The following SLC24A2 variants were observed in gnomAD, a reference collection of about 807,000 sequenced individuals.
SLC24A2 encodes sodium/potassium/calcium exchanger 2.
A neutral mutation model predicts 62.0 loss-of-function variants in SLC24A2; 36 were observed. The observed-to-expected ratio is 0.58, with a 90% confidence interval of 0.44 to 0.77. The LOEUF (loss-of-function observed/expected upper bound fraction) is 0.77, where lower values mean the gene tolerates loss of function less well. Among genes scored for constraint, SLC24A2 ranks in the 30% least tolerant of loss-of-function variants. The pLI is 0.00. For missense variants in SLC24A2, 846 were observed against 817.9 expected (o/e 1.03, Z -0.42); for synonymous variants, 358 against 294.0 (o/e 1.22, Z -2.23).
the SLC24A2 span, among the ~76,000 whole-genome samples, chr9:19,938,727 T>A: frequency 6.6e-6 from 1 of 152,190 alleles, no homozygotes; most frequent in Non-Finnish European, 1.5e-5. Context: ...TTTTGTAAAC[T>A]GAGATGACTG....
chr9:19,897,974 G>A, the SLC24A2 span, among the ~76,000 whole-genome samples: 2 of 152,176 alleles, frequency 1.3e-5, no homozygotes, highest in African/African-American at 2.4e-5. Context: ...GTCCGGTCAG[G>A]GAAAGAGAAT....
the SLC24A2 span, among the ~76,000 whole-genome samples, chr9:20,033,910 G>C: frequency 6.6e-6 from 1 of 152,142 alleles, no homozygotes; most frequent in Non-Finnish European, 1.5e-5. Flanking sequence ...TAATAAACTT[G>C]TTTTCACTTT....
chr9:19,785,931 A>G lies in SLC24A2; in HGVS notation c.930+6T>C. The stretch of plus-strand genomic sequence containing the variant: ...AAGCATTAAATAAAAATCCACCACC[A>G]CCAACCTTTGCTTGGGCTTCTGGTG... On this transcript the variant is annotated splice_donor_region_variant and intron_variant, in intron 2 of 10. Transcript: ENST00000341998. 6.2e-7 allele frequency: 1 copy of G among 1,614,082 alleles called. No individual in the cohort carries two copies. The highest frequency in any genetic ancestry group is 8.5e-7 in the Non-Finnish European group (1 of 1,179,986).
chr9:20,003,891 G>GA, the SLC24A2 span, among the ~76,000 whole-genome samples: 3,526 of 115,572 alleles, frequency 0.031, 92 homozygotes, highest in African/African-American at 0.083. Flanking sequence ...GATGTTTAAC[G>GA]AAAAAAAAAA....
At chr9:19,650,759 C>T (rs1818777132) in intron 2 of SLC24A2, among the ~76,000 whole-genome samples, 1 of 151,844 alleles carries the variant, frequency 6.6e-6, no homozygotes, top group Non-Finnish European at 1.5e-5. Flanking sequence ...CAGAAACAAA[C>T]AGCAACTAGG....
chr9:19,762,569 C>T, intron 2 of SLC24A2, among the ~76,000 whole-genome samples: 1 of 152,158 alleles, frequency 6.6e-6, no homozygotes, highest in Non-Finnish European at 1.5e-5. Context: ...ATAGGGAATT[C>T]TTCCCCCATT....
intron 2 of SLC24A2, among the ~76,000 whole-genome samples, chr9:19,758,860 A>G (rs1413563858): frequency 2.0e-5 from 3 of 152,190 alleles, no homozygotes; most frequent in Non-Finnish European, 4.4e-5. Flanking sequence ...AGTTGGAGCT[A>G]GAACACATTC....
chr9:19,661,140 G>A lies in SLC24A2; in HGVS notation c.931-38841C>T, dbSNP rs370752152. Among the ~76,000 whole-genome samples the A allele has an allele frequency of 2.6e-5, 4 of 151,948 alleles. No homozygotes were observed. The East Asian group carries it at 7.7e-4, about 29-fold the overall frequency. The stretch of plus-strand genomic sequence containing the variant: ...ACCTGTGTGAGTCTATGGGCTTGCT[G>A]GTTAAGAGAAACACGGTAAAAAATC... On this transcript the variant is annotated intron_variant, in intron 2 of 10. Coordinates refer to ENST00000341998, the MANE Select transcript of SLC24A2 (RefSeq NM_020344.4).
the SLC24A2 span, among the ~76,000 whole-genome samples, chr9:20,004,668 G>A: frequency 0.41 from 62,753 of 151,962 alleles, 13,494 homozygotes; most frequent in Non-Finnish European, 0.45. Flanking sequence ...TTTTCCTTGA[G>A]GAAATTGATT....
At chr9:20,185,849 T>G in the SLC24A2 span, among the ~76,000 whole-genome samples, 1 of 152,008 alleles carries the variant, frequency 6.6e-6, no homozygotes, top group Non-Finnish European at 1.5e-5. Context: ...GATTGCAAAA[T>G]GAAGCTTAAT....
the SLC24A2 span, among the ~76,000 whole-genome samples, chr9:20,272,834 T>C: frequency 2.0e-5 from 3 of 151,940 alleles, no homozygotes; most frequent in Non-Finnish European, 4.4e-5. Flanking sequence ...TGAGAATGCA[T>C]GGGAAGCTGA....
chr9:19,554,364 C>T (rs1464919670), intron 7 of SLC24A2, among the ~76,000 whole-genome samples: 2 of 152,190 alleles, frequency 1.3e-5, no homozygotes, highest in Admixed American at 6.5e-5. Context: ...TTGCATTAGG[C>T]ATTCTAAGCA....
chr9:20,024,701 T>C, the SLC24A2 span, among the ~76,000 whole-genome samples: 1 of 152,196 alleles, frequency 6.6e-6, no homozygotes, highest in Non-Finnish European at 1.5e-5. Context: ...CGTGTCCAGC[T>C]TTAAAGAAGA....
intron 7 of SLC24A2, among the ~76,000 whole-genome samples, chr9:19,555,806 G>T (rs2132770771): frequency 6.6e-6 from 1 of 152,160 alleles, no homozygotes; most frequent in East Asian, 1.9e-4. Context: ...TTAGCTAGGT[G>T]TGATGACAGG....
the SLC24A2 span, among the ~76,000 whole-genome samples, chr9:20,251,688 A>G: frequency 1.7e-3 from 266 of 152,326 alleles, 1 homozygote; most frequent in African/African-American, 6.0e-3. Flanking sequence ...ATCTTCTCCA[A>G]TTGATTCAAA....
At chr9:19,648,602 T>C (rs1466907124) in intron 2 of SLC24A2, among the ~76,000 whole-genome samples, 1 of 152,126 alleles carries the variant, frequency 6.6e-6, no homozygotes, top group East Asian at 1.9e-4. Context: ...AAGCCCAGAA[T>C]AGGAGACTAT....
At chr9:19,989,400 G>A in the SLC24A2 span, among the ~76,000 whole-genome samples, 3 of 152,210 alleles carry the variant, frequency 2.0e-5, no homozygotes, top group South Asian at 6.2e-4. Context: ...CACATCATAA[G>A]CACTTACTAA....
At chr9:20,276,120 C>A in the SLC24A2 span, among the ~76,000 whole-genome samples, 1 of 152,170 alleles carries the variant, frequency 6.6e-6, no homozygotes, top group Non-Finnish European at 1.5e-5. Context: ...CCAACAGTCC[C>A]CCAAAGTCTT....
At chr9:19,597,908 C>A (rs913658920) in intron 4 of SLC24A2, among the ~76,000 whole-genome samples, 4 of 152,152 alleles carry the variant, frequency 2.6e-5, no homozygotes, top group Non-Finnish European at 5.9e-5. Context: ...ACAGGGCAGC[C>A]ACAGCTCCAG....
Sources: allele counts gnomAD v4.1 joint callset (sites outside exome capture counted in the v4.1 genomes callset), GRCh38; gene constraint gnomAD v4.1.1; transcripts MANE v1.5; gene names NCBI Gene and HGNC (gene_info 2026-07-23, HGNC 2026-07-21).